THEMIS: variants seen among roughly 807,000 people sequenced by gnomAD.
The protein encoded by THEMIS is protein THEMIS.
Under a neutral mutation model 52.6 loss-of-function variants are expected in THEMIS, and 37 were observed. The ratio of observed to expected loss-of-function variants is 0.70; its 90% CI spans 0.54 to 0.93. The LOEUF is 0.93. Ranked by LOEUF, THEMIS falls within the 40% of genes least tolerant of loss-of-function variation. The probability of loss-of-function intolerance (pLI) is 0.00; values close to 1 mark genes in which losing one functional copy is unlikely to be tolerated. For synonymous variants in THEMIS, 292 were observed against 272.7 expected, an observed-to-expected ratio of 1.07 and a Z score of -0.70; for missense variants, 808 against 763.1, an observed-to-expected ratio of 1.06 and a Z score of -0.69.
chr6:127,827,414 G>A (rs1292433912), intron 3 of THEMIS, among the ~76,000 whole-genome samples: 2 of 152,050 alleles, frequency 1.3e-5, no homozygotes, highest in East Asian at 3.9e-4. Context: ...TAATCCCTAT[G>A]AAATTAACGA....
chr6:127,836,068 CA>C (rs1778865926), intron 2 of THEMIS, among the ~76,000 whole-genome samples: 1 of 152,070 alleles, frequency 6.6e-6, no homozygotes, highest in Non-Finnish European at 1.5e-5. Context: ...AGCAAAATGC[CA>C]AGGCATTTTT....
intron 4 of THEMIS, among the ~76,000 whole-genome samples, chr6:127,730,277 T>TAAAGAAAAGAAAAGCAAAGA (rs1774722371): frequency 1.8e-5 from 1 of 54,672 alleles, no homozygotes; most frequent in African/African-American, 5.8e-5. Flanking sequence ...CTATAGGAAA[T>TAAAGAAAAGAAAAGCAAAGA]AAAGAAAAGA....
At chr6:127,803,810 C>T (rs1227858959) in intron 4 of THEMIS, among the ~76,000 whole-genome samples, 1 of 152,192 alleles carries the variant, frequency 6.6e-6, no homozygotes, top group Non-Finnish European at 1.5e-5. Flanking sequence ...GGTAGGAAGG[C>T]TCTTTCCTTA....
intron 1 of THEMIS, among the ~76,000 whole-genome samples, chr6:127,887,368 G>A (rs749887050): frequency 1.6e-4 from 25 of 152,194 alleles, no homozygotes; most frequent in South Asian, 8.3e-4. Flanking sequence ...AAGTCTTAGC[G>A]TGGATGTTAA....
At chr6:127,888,730 A>G (rs1197793368) in intron 1 of THEMIS, among the ~76,000 whole-genome samples, 1 of 152,106 alleles carries the variant, frequency 6.6e-6, no homozygotes, top group South Asian at 2.1e-4. Context: ...TCAACACCAA[A>G]ATGGCTACAT....
Position 127,855,157 on chromosome 6 carries a change from G to C in THEMIS, c.123C>G (p.Cys41Trp), listed in dbSNP as rs909813432. 6.2e-7 allele frequency: 1 copy of C among 1,604,390 alleles called. No homozygotes were observed. Among genetic ancestry groups the C allele is most frequent in the Non-Finnish European group, 8.5e-7 (1 of 1,176,136 alleles). ...TAATCACTTCTCCTGTTGAAAAACA[G>C]CATTCATTTCCAAACATTTCATAAA... Reference protein sequence around the residue: ...GSIYEMFGNECCFSTGEVIKI... With the variant: ...GSIYEMFGNEWCFSTGEVIKI... The change falls in exon 2 of 6, where the codon TGC becomes TGG. Residue 41 changes from cysteine (C) to tryptophan (W), a missense_variant. By Grantham distance (215) the Cys-to-Trp change is radical. Transcript: ENST00000368248.
Position 127,907,921 on chromosome 6 carries a change from G to T in THEMIS, c.-149-6840C>A, listed in dbSNP as rs991380799. Among the ~76,000 whole-genome samples the T allele has an allele frequency of 7.2e-5, 11 of 151,936 alleles. No homozygotes were observed. The East Asian group carries it at 2.1e-3, about 29-fold the overall frequency. ...TTTTTATATTTTTAGTAAAGACGGGGTTTCATTCTTAATTTATAAGAATGA... is the reference window on the plus strand; with the variant it reads ...TTTTTATATTTTTAGTAAAGACGGGTTTTCATTCTTAATTTATAAGAATGA... On this transcript the variant is annotated intron_variant, in intron 1 of 6. Transcript: ENST00000368250.
chr6:127,730,023 G>A (rs151046092), intron 4 of THEMIS, among the ~76,000 whole-genome samples: 17 of 152,150 alleles, frequency 1.1e-4, no homozygotes, highest in Middle Eastern at 3.4e-3. Flanking sequence ...TAATCCCTGC[G>A]CTTTGGGAAG....
intron 4 of THEMIS, among the ~76,000 whole-genome samples, chr6:127,795,392 G>C (rs1002108009): frequency 1.3e-5 from 2 of 152,038 alleles, no homozygotes; most frequent in Non-Finnish European, 2.9e-5. Context: ...GCAGTGGCAC[G>C]ATCTCGGCTC....
intron 2 of THEMIS, among the ~76,000 whole-genome samples, chr6:127,833,838 T>C (rs1034562519): frequency 2.0e-5 from 3 of 152,106 alleles, no homozygotes; most frequent in African/African-American, 7.2e-5. Flanking sequence ...GTCTTGGGAA[T>C]GTAACACAGT....
intron 4 of THEMIS, among the ~76,000 whole-genome samples, chr6:127,752,699 A>G (rs1430469744): frequency 1.3e-5 from 2 of 151,766 alleles, no homozygotes; most frequent in South Asian, 2.1e-4. Context: ...CTCTCAACAA[A>G]GAAATGTCTA....
chr6:127,804,492 C>T (rs1347818280), intron 4 of THEMIS, among the ~76,000 whole-genome samples: 1 of 152,104 alleles, frequency 6.6e-6, no homozygotes, highest in African/African-American at 2.4e-5. Context: ...ATGTAAGCAC[C>T]TGGTATAGCG....
At chr6:127,699,220 C>T in the THEMIS span, among the ~76,000 whole-genome samples, 1 of 151,862 alleles carries the variant, frequency 6.6e-6, no homozygotes, top group African/African-American at 2.4e-5. Flanking sequence ...ATTTATTTCT[C>T]ATCACAGTAA....
chr6:127,839,412 T>C (rs1778971965), intron 2 of THEMIS, among the ~76,000 whole-genome samples: 1 of 152,162 alleles, frequency 6.6e-6, no homozygotes, highest in African/African-American at 2.4e-5. Context: ...GTTCATCTTG[T>C]CATCTTACCA....
rs149637898 is a variant in THEMIS, at chr6:127,787,850, T to TATAGATAGATAG, written c.1758+25021_1758+25032dup. Among the ~76,000 whole-genome samples, 682 of 137,554 alleles carry TATAGATAGATAG rather than the reference T, an allele frequency of 5.0e-3. 6 individuals are homozygous for TATAGATAGATAG. Among genetic ancestry groups the TATAGATAGATAG allele is most frequent in the African/African-American group, 8.8e-3 (315 of 35,840 alleles). 90.2% of individuals were successfully genotyped at this position (137,554 alleles called of 152,430 possible). On this transcript the variant is annotated intron_variant, in intron 4 of 5. Transcript: ENST00000368248. ...AGATAGATAGATAGAGATAGACAGA[T>TATAGATAGATAG]ATAGATAGATAGATAGATAGATAGA... is the stretch of plus-strand genomic sequence containing the variant.
chr6:127,859,497 T>TA (rs1455130013), intron 1 of THEMIS, among the ~76,000 whole-genome samples: 4 of 152,012 alleles, frequency 2.6e-5, no homozygotes, highest in African/African-American at 7.2e-5. Flanking sequence ...CAGTTTTTTT[T>TA]ATCACTTATT....
At chr6:127,772,931 C>T (rs1158641033) in intron 4 of THEMIS, among the ~76,000 whole-genome samples, 2 of 152,086 alleles carry the variant, frequency 1.3e-5, no homozygotes, top group East Asian at 1.9e-4. Flanking sequence ...CTTGGCTCTG[C>T]CAGTCATGAC....
intron 4 of THEMIS, among the ~76,000 whole-genome samples, chr6:127,739,491 A>T (rs1027530723): frequency 3.5e-4 from 53 of 152,092 alleles, no homozygotes; most frequent in Non-Finnish European, 5.4e-4. Context: ...AATACAAAAA[A>T]TTAGCCGGGT....
intron 4 of THEMIS, among the ~76,000 whole-genome samples, chr6:127,722,536 C>T (rs1478312388): frequency 9.2e-5 from 14 of 151,910 alleles, no homozygotes; most frequent in Admixed American, 9.2e-4. Context: ...AACTTCACTA[C>T]CTGTTCAACT....
Sources: gnomAD v4.1 joint callset for allele counts (sites outside exome capture counted in the v4.1 genomes callset) on GRCh38, gnomAD v4.1.1 for gene constraint, MANE v1.5 for transcripts, NCBI Gene and HGNC (gene_info 2026-07-23, HGNC 2026-07-21) for gene names.